Variants in LRP8 observed in about 807,000 individuals in gnomAD.
The protein encoded by LRP8 is LDL receptor related protein 8.
In LRP8, 46 loss-of-function variants were observed where a neutral mutation model predicts 111.6. The ratio of observed to expected loss-of-function variants is 0.41; its 90% CI spans 0.33 to 0.53. LRP8 has a LOEUF of 0.53. Among genes scored for constraint, LRP8 ranks in the 20% least tolerant of loss-of-function variants. The pLI, the probability that LRP8 is intolerant of heterozygous loss-of-function variation, is 0.20. For missense variants in LRP8, 959 were observed against 1,297.4 expected (o/e 0.74, Z 4.01); for synonymous variants, 464 against 511.2 (o/e 0.91, Z 1.24).
chr1:53,251,926 C>T (rs190523815), intron 16 of LRP8, among the ~76,000 whole-genome samples: 1,731 of 151,528 alleles, frequency 0.011, 10 homozygotes, highest in Non-Finnish European at 0.019. Context: ...CCTGTAGTCC[C>T]AGCTACTCAG....
chr1:53,292,666 G>A (rs1649005655), intron 2 of LRP8, among the ~76,000 whole-genome samples: 1 of 152,200 alleles, frequency 6.6e-6, no homozygotes, highest in African/African-American at 2.4e-5. Flanking sequence ...CTCACTAGGT[G>A]CTTCCTCTGT....
chr1:53,289,829 T>C, intron 2 of LRP8, 140 bp from the exon 3 acceptor site: 1 of 1,087,400 alleles, frequency 9.2e-7, no homozygotes, highest in Non-Finnish European at 1.3e-6. Context: ...ACAAGCTTCT[T>C]CATTCCTTAG....
chr1:53,326,742 G>A (rs939966470), intron 2 of LRP8, 131 bp downstream of exon 2: 14 of 1,418,788 alleles, frequency 9.9e-6, no homozygotes, highest in Admixed American at 2.5e-5. Context: ...GCGGTTTCCC[G>A]GTCGCAGGCT....
chr1:53,323,899 A>G (rs1052467959), intron 2 of LRP8, among the ~76,000 whole-genome samples: 3 of 152,248 alleles, frequency 2.0e-5, no homozygotes, highest in Admixed American at 6.5e-5. Context: ...CTAGTTCAGC[A>G]GTCTCCTCCT....
rs1649301804 is a variant in LRP8 at position 53,294,337 on chromosome 1, G to A, written c.245-4648C>T. On this transcript the variant is annotated intron_variant, in intron 2 of 18. Transcript: ENST00000306052. The surrounding 1 kb of genome is among the most constrained non-coding windows in gnomAD (Gnocchi z 4.1). ...GAGGAGGGGCTGACCCCAGGGTAGA[G>A]TAGGGGAGAGTGGGAAATCCAGGAC... is the stretch of plus-strand genomic sequence containing the variant. Among the ~76,000 whole-genome samples, 1 of 152,222 alleles carries A rather than the reference G, an allele frequency of 6.6e-6. No individual in the cohort carries two copies. Among genetic ancestry groups the A allele is most frequent in the Admixed American group, 6.5e-5 (1 of 15,286 alleles).
intron 2 of LRP8, among the ~76,000 whole-genome samples, chr1:53,302,856 A>ATTTTTTTTTTTTT (rs769628078): frequency 1.6e-5 from 2 of 126,606 alleles, no homozygotes; most frequent in African/African-American, 6.1e-5. Flanking sequence ...CACCCAGCTA[A>ATTTTTTTTTTTTT]TTTTTTTTTT....
intron 2 of LRP8, among the ~76,000 whole-genome samples, chr1:53,306,506 C>A (rs1281491043): frequency 6.6e-6 from 1 of 152,182 alleles, no homozygotes; most frequent in Non-Finnish European, 1.5e-5. Context: ...CCCAGCTCTA[C>A]CCCCCGAGCT....
Position 53,303,848 on chromosome 1 carries a change from G to A in LRP8, c.245-14159C>T, listed in dbSNP as rs1052926943. ...TCAGCGACAGGGGACTCAGTCAGCC[G>A]TGCTGGCTGGAGGCTGAACACGTTC... is the stretch of plus-strand genomic sequence containing the variant. On this transcript the variant is annotated intron_variant, in intron 2 of 18. Transcript: ENST00000306052. The surrounding 1 kb of genome is among the most constrained non-coding windows in gnomAD (Gnocchi z 4.3). Among the ~76,000 whole-genome samples, 8 of 152,188 alleles carry A rather than the reference G, an allele frequency of 5.3e-5. No homozygotes were observed. Among genetic ancestry groups the A allele is most frequent in the Admixed American group, 1.3e-4 (2 of 15,288 alleles).
chr1:53,321,679 G>A lies in LRP8; in HGVS notation c.244+5194C>T, dbSNP rs189324056. On this transcript the variant is annotated intron_variant, in intron 2 of 18. Transcript: ENST00000306052. Reference sequence around the variant, plus strand: ...AGCCAACCATCCCTGAGGCCCAAGGGACTCACACCGGGGAATGCTGACCTG... The same window carrying A: ...AGCCAACCATCCCTGAGGCCCAAGGAACTCACACCGGGGAATGCTGACCTG... 1.6e-3 allele frequency among the ~76,000 whole-genome samples: 240 copies of A among 151,546 alleles called. 4 individuals are homozygous for A. Among genetic ancestry groups the A allele is most frequent in the East Asian group, 9.2e-3 (42 of 4,556 alleles).
At chr1:53,306,566 A>C (rs568603461) in intron 2 of LRP8, among the ~76,000 whole-genome samples, 2 of 152,090 alleles carry the variant, frequency 1.3e-5, no homozygotes, top group East Asian at 3.9e-4. Flanking sequence ...CTCAGCGTCA[A>C]CACCAGTTGA....
chr1:53,310,204 C>T (rs528259472), intron 2 of LRP8, among the ~76,000 whole-genome samples: 2 of 120,764 alleles, frequency 1.7e-5, no homozygotes, highest in Non-Finnish European at 3.4e-5. Flanking sequence ...AAGAGACGGG[C>T]TGGGGCAGGG....
intron 13 of LRP8, among the ~76,000 whole-genome samples, chr1:53,260,241 C>T (rs189900846): frequency 2.0e-5 from 3 of 152,292 alleles, no homozygotes; most frequent in Admixed American, 2.0e-4. Context: ...AAAAACAGGA[C>T]AGTTATGTAT....
chr1:53,313,086 T>G (rs1653299418), intron 2 of LRP8, among the ~76,000 whole-genome samples: 1 of 152,178 alleles, frequency 6.6e-6, no homozygotes, highest in African/African-American at 2.4e-5. Flanking sequence ...ACAGCATAGA[T>G]GTACCCAAGG....
chr1:53,295,766 C>G (rs1296344971), intron 2 of LRP8, among the ~76,000 whole-genome samples: 1 of 152,182 alleles, frequency 6.6e-6, no homozygotes, highest in South Asian at 2.1e-4. Context: ...TTTCCTCCAG[C>G]CTTCCAAGCT....
intron 2 of LRP8, among the ~76,000 whole-genome samples, chr1:53,295,795 C>CT (rs1649604208): frequency 1.3e-5 from 2 of 152,142 alleles, no homozygotes; most frequent in Admixed American, 1.3e-4. Flanking sequence ...CAAGGAACTC[C>CT]TTTTTCAGAT....
chr1:53,248,749 T>A (rs1370067463), intron 18 of LRP8, among the ~76,000 whole-genome samples: 1 of 152,234 alleles, frequency 6.6e-6, no homozygotes, highest in South Asian at 2.1e-4. Context: ...GCTTATTACT[T>A]GGTCCTTAAC....
intron 5 of LRP8, 66 bp downstream of exon 5, chr1:53,276,626 C>G (rs1646926650): frequency 7.6e-7 from 1 of 1,320,342 alleles, no homozygotes; most frequent in East Asian, 3.5e-5. Flanking sequence ...CTGCACCTGG[C>G]GGATCCGGAT....
In LRP8 at chr1:53,289,629, C is replaced by T. The variant is rs373226230; in HGVS notation, c.305G>A (p.Arg102Gln). 7.4e-6 allele frequency: 12 copies of T among 1,613,236 alleles called. 1 individual carries two copies. The highest frequency in any genetic ancestry group is 6.7e-5 in the African/African-American group (5 of 75,026). The part of the protein sequence containing the change: ...TCDNGHCIHE[R>Q]WKCDGEEECP... The stretch of plus-strand genomic sequence containing the variant: ...CTCCTCCTCGCCGTCACACTTCCAC[C>T]GTTCGTGGATGCAGTGGCCGTTGTC... The change falls in exon 3 of 19, where the codon CGG becomes CAG. Residue 102 changes from arginine (R) to glutamine (Q), a missense_variant. Transcript: ENST00000306052.
rs1354289115 is a variant in LRP8 at position 53,317,924 on chromosome 1, T to A, written c.244+8949A>T. Reference sequence around the variant, plus strand: ...AGCTGCCCTGTTTCCCTGCCCAGAATCCAGCCCACCAAGCCAGCTATACTC... The same window carrying A: ...AGCTGCCCTGTTTCCCTGCCCAGAAACCAGCCCACCAAGCCAGCTATACTC... On this transcript the variant is annotated intron_variant, in intron 2 of 18. Transcript: ENST00000306052. This position sits in a 1 kb window ranked among gnomAD's most constrained non-coding sequence, Gnocchi z 4.9. Among the ~76,000 whole-genome samples the A allele has an allele frequency of 6.6e-6, 1 of 152,110 alleles. No individual in the cohort carries two copies. The highest frequency in any genetic ancestry group is 1.5e-5 in the Non-Finnish European group (1 of 68,020).
Sources: allele counts gnomAD v4.1 joint callset (sites outside exome capture counted in the v4.1 genomes callset), GRCh38; gene constraint gnomAD v4.1.1; non-coding constraint Gnocchi (gnomAD v3.1); transcripts MANE v1.5; gene names NCBI Gene and HGNC (gene_info 2026-07-23, HGNC 2026-07-21).